The following ASCC3 variants were observed in gnomAD, a reference collection of about 807,000 sequenced individuals.
ASCC3 encodes activating signal cointegrator 1 complex subunit 3, also known as ASC-1 complex subunit P200.
A neutral mutation model predicts 256.3 loss-of-function variants in ASCC3; 158 were observed. The ratio of observed to expected loss-of-function variants is 0.62; its 90% CI spans 0.54 to 0.70. The LOEUF is 0.70. Ranked by LOEUF, ASCC3 falls within the 30% of genes least tolerant of loss-of-function variation. The pLI is 0.00. For missense variants in ASCC3, 2,259 were observed against 2,626.0 expected (o/e 0.86, Z 3.05); for synonymous variants, 948 against 883.4 (o/e 1.07, Z -1.30).
chr6:100,668,267 A>G (rs951856877), intron 14 of ASCC3, among the ~76,000 whole-genome samples: 10 of 152,036 alleles, frequency 6.6e-5, no homozygotes, highest in African/African-American at 1.7e-4. Context: ...AATATCAGCA[A>G]AACGAAAATA....
intron 3 of ASCC3, among the ~76,000 whole-genome samples, chr6:100,863,591 G>A (rs767687711): frequency 3.3e-5 from 5 of 151,818 alleles, no homozygotes; most frequent in South Asian, 2.1e-4. Context: ...CTCTCTATCC[G>A]AAGCTCGCTG....
chr6:100,597,852 T>C (rs1280518687), intron 34 of ASCC3, among the ~76,000 whole-genome samples: 1 of 138,284 alleles, frequency 7.2e-6, no homozygotes, highest in Non-Finnish European at 1.6e-5. Flanking sequence ...AAGGTGCCTG[T>C]AGTCCCAGCT....
intron 8 of ASCC3, among the ~76,000 whole-genome samples, chr6:100,772,936 C>A (rs148358015): frequency 1.0e-3 from 152 of 152,150 alleles, no homozygotes; most frequent in Middle Eastern, 3.4e-3. Flanking sequence ...CTTTTTAACA[C>A]AAGGAAGTTA....
intron 26 of ASCC3, 84 bp from the exon 27 acceptor site, chr6:100,629,265 T>C (rs114961496): frequency 1.1e-5 from 14 of 1,260,566 alleles, no homozygotes; most frequent in South Asian, 9.7e-5. Flanking sequence ...TCTTTTAAAA[T>C]AAAATTTTAT....
intron 10 of ASCC3, among the ~76,000 whole-genome samples, chr6:100,761,374 G>A (rs1309480851): frequency 6.6e-6 from 1 of 152,170 alleles, no homozygotes; most frequent in African/African-American, 2.4e-5. Flanking sequence ...TGTAATCTCT[G>A]CTATTCAGGA....
At chr6:100,834,657 C>T (rs941265283) in intron 4 of ASCC3, among the ~76,000 whole-genome samples, 1 of 152,046 alleles carries the variant, frequency 6.6e-6, no homozygotes, top group Non-Finnish European at 1.5e-5. Context: ...TAAAAGCTAG[C>T]ATAATTTTTT....
intron 4 of ASCC3, among the ~76,000 whole-genome samples, chr6:100,845,530 A>G (rs541778507): frequency 1.3e-5 from 2 of 152,116 alleles, no homozygotes; most frequent in Non-Finnish European, 2.9e-5. Flanking sequence ...TAGGGCTTCT[A>G]ACATCTTAAT....
chr6:100,690,120 C>A (rs1410356530), intron 13 of ASCC3, among the ~76,000 whole-genome samples: 1 of 152,032 alleles, frequency 6.6e-6, no homozygotes, highest in Non-Finnish European at 1.5e-5. Context: ...ATGCTTAAGA[C>A]CCTTATATAA....
chr6:100,515,458 T>C (rs1773974542), intron 39 of ASCC3, among the ~76,000 whole-genome samples: 1 of 152,216 alleles, frequency 6.6e-6, no homozygotes, highest in Non-Finnish European at 1.5e-5. Flanking sequence ...AATTATGTTA[T>C]AAATCCTGAA....
At chr6:100,628,880 T>C in intron 27 of ASCC3, 135 bp downstream of exon 27, 1 of 829,742 alleles carries the variant, frequency 1.2e-6, no homozygotes, top group Middle Eastern at 3.6e-4. Context: ...TAATTCCACA[T>C]TATATACATA....
At chr6:100,587,726 G>C (rs551160227) in intron 36 of ASCC3, among the ~76,000 whole-genome samples, 7 of 152,228 alleles carry the variant, frequency 4.6e-5, no homozygotes, top group African/African-American at 1.7e-4. Flanking sequence ...TTATTAACTG[G>C]AGAACTGACT....
chr6:100,650,394 C>A, intron 20 of ASCC3, 144 bp downstream of exon 20: 3 of 824,220 alleles, frequency 3.6e-6, no homozygotes, highest in Non-Finnish European at 5.8e-6. Flanking sequence ...AAAATATTTA[C>A]AAATTAGCAG....
intron 4 of ASCC3, among the ~76,000 whole-genome samples, chr6:100,812,348 C>T (rs940785559): frequency 2.6e-5 from 4 of 151,864 alleles, no homozygotes; most frequent in Admixed American, 6.6e-5. Context: ...GTGAAGGTAA[C>T]CACATGTCAA....
At chr6:100,544,530 T>C (rs1775615015) in intron 36 of ASCC3, among the ~76,000 whole-genome samples, 1 of 151,834 alleles carries the variant, frequency 6.6e-6, no homozygotes, top group Non-Finnish European at 1.5e-5. Context: ...AAAAATAATA[T>C]GAACAGCTTT....
At chr6:100,878,391 A>G (rs974077460) in intron 1 of ASCC3, among the ~76,000 whole-genome samples, 2 of 152,182 alleles carry the variant, frequency 1.3e-5, no homozygotes, top group African/African-American at 2.4e-5. Context: ...TATATTCAGA[A>G]TATTCCCCCC....
intron 1 of ASCC3, among the ~76,000 whole-genome samples, chr6:100,871,478 T>C (rs993783463): frequency 1.3e-5 from 2 of 151,676 alleles, no homozygotes; most frequent in Non-Finnish European, 2.9e-5. Context: ...AAGAAATCCA[T>C]GGACTGGGGG....
At position 100,534,079 on chromosome 6, in the gene ASCC3, CA is replaced by C. The variant is rs376788764; in HGVS notation, c.5775+6083del. On this transcript the variant is annotated intron_variant, in intron 37 of 41. Transcript: ENST00000369162. ...ACAACATGGTGAAACTCTGTCTCTA[CA>C]AAAAATACAAAAAATTAGCCAGGCG... 6.6e-3 allele frequency among the ~76,000 whole-genome samples: 1,007 copies of C among 152,174 alleles called. 12 individuals carry two copies. Among genetic ancestry groups the C allele is most frequent in the African/African-American group, 0.023 (951 of 41,506 alleles).
At chr6:100,661,081 A>G (rs1776171584) in intron 16 of ASCC3, among the ~76,000 whole-genome samples, 1 of 151,736 alleles carries the variant, frequency 6.6e-6, no homozygotes, top group African/African-American at 2.4e-5. Flanking sequence ...GTATTCATTT[A>G]CTTAATATTT....
chr6:100,785,470 C>T (rs764921594), intron 8 of ASCC3, among the ~76,000 whole-genome samples: 22 of 152,202 alleles, frequency 1.4e-4, no homozygotes, highest in African/African-American at 5.3e-4. Context: ...GCATGATCAT[C>T]GGCTCACTGC....
Sources: allele counts gnomAD v4.1 joint callset (sites outside exome capture counted in the v4.1 genomes callset), GRCh38; gene constraint gnomAD v4.1.1; transcripts MANE v1.5; gene names NCBI Gene and HGNC (gene_info 2026-07-23, HGNC 2026-07-21).